Variants in BBOF1 observed in about 807,000 individuals in gnomAD.
BBOF1 encodes basal body-orientation factor 1.
Under a neutral mutation model 68.0 loss-of-function variants are expected in BBOF1, and 62 were observed. The observed-to-expected ratio is 0.91, with a 90% CI of 0.74 to 1.13. BBOF1 has a LOEUF of 1.13. Among genes scored for constraint, BBOF1 ranks in the 50% most tolerant of loss-of-function variants. BBOF1 has a pLI of 0.00. For missense variants in BBOF1, 534 were observed against 600.1 expected (o/e 0.89, Z 1.15); for synonymous variants, 208 against 198.8 (o/e 1.05, Z -0.39).
chr14:74,071,948 C>T, intron 9 of BBOF1: 2 of 1,614,130 alleles, frequency 1.2e-6, no homozygotes, highest in Non-Finnish European at 1.7e-6. Context: ...TCCCTTGTTC[C>T]AATGTGATTA....
intron 8 of BBOF1, among the ~76,000 whole-genome samples, chr14:74,054,331 T>G (rs777269332): frequency 7.3e-5 from 11 of 150,142 alleles, no homozygotes; most frequent in Non-Finnish European, 1.5e-4. Flanking sequence ...TTTTTTCTTG[T>G]TCCCTTTGTC....
chr14:74,075,190 C>A (rs1210550975), intron 9 of BBOF1, among the ~76,000 whole-genome samples: 1 of 152,016 alleles, frequency 6.6e-6, no homozygotes, highest in Non-Finnish European at 1.5e-5. Context: ...AAACTATGAA[C>A]AAACAATAAA....
rs747134194 is a variant in BBOF1, at chr14:74,048,021, C to CA, written c.746dup (p.Asn249LysfsTer20). ...TCACCTGAAGGAAACTGACGCTCTACAAAAAAACTCCCAGAAGTTGCAAGA... is the reference window on the plus strand; with the variant it reads ...TCACCTGAAGGAAACTGACGCTCTACAAAAAAAACTCCCAGAAGTTGCAAGA... On this transcript the variant is annotated frameshift_variant, in exon 7 of 12. Coordinates refer to ENST00000394009, the MANE Select transcript of BBOF1 (RefSeq NM_025057.3). LOFTEE classifies it high-confidence loss of function. 48 of 1,612,898 alleles carry CA rather than the reference C, an allele frequency of 3.0e-5. No individual in the cohort carries two copies. The highest frequency in any genetic ancestry group is 3.7e-5 in the Non-Finnish European group (44 of 1,179,606).
At chr14:74,058,823 A>C (rs925311479) in intron 11 of BBOF1, 3 of 152,492 alleles carry the variant, frequency 2.0e-5, no homozygotes, top group African/African-American at 7.2e-5. Flanking sequence ...GGTGGCTCAC[A>C]CCTGTAATCC....
chr14:74,064,918 C>G lies in BBOF1; in HGVS notation c.*219C>G, dbSNP rs1195994492. The G allele has an allele frequency of 1.2e-6, 2 of 1,612,978 alleles. No homozygotes were observed. The highest frequency in any genetic ancestry group is 2.7e-5 in the African/African-American group (2 of 74,878). On this transcript the variant is annotated 3_prime_UTR_variant, in exon 12 of 12. Coordinates refer to ENST00000394009, the MANE Select transcript of BBOF1 (RefSeq NM_025057.3). ...GCACTGGAATGGGGACATTCACTCC[C>G]ACCTAAAACAGAACAAATCCGTGTC...
chr14:74,073,760 A>G (rs748503776), intron 9 of BBOF1, among the ~76,000 whole-genome samples: 3 of 151,818 alleles, frequency 2.0e-5, no homozygotes, highest in Non-Finnish European at 2.9e-5. Context: ...TCTACTAAAA[A>G]CACAAAAATC....
intron 3 of BBOF1, among the ~76,000 whole-genome samples, chr14:74,032,350 C>G (rs1335849621): frequency 6.6e-6 from 1 of 151,790 alleles, no homozygotes; most frequent in Admixed American, 6.6e-5. Context: ...TGGTCTTGAA[C>G]TCCTGACCTC....
chr14:74,047,866 A>T, intron 6 of BBOF1, 64 bp from the exon 7 acceptor site: 2 of 1,444,928 alleles, frequency 1.4e-6, no homozygotes, highest in South Asian at 2.8e-5. Flanking sequence ...TGAAGCAATC[A>T]TTTTTCTATT....
At chr14:74,026,080 G>T (rs1241470482) in intron 2 of BBOF1, among the ~76,000 whole-genome samples, 1 of 150,868 alleles carries the variant, frequency 6.6e-6, no homozygotes, top group Non-Finnish European at 1.5e-5. Flanking sequence ...GGCAGAGGTT[G>T]CAGTGAGCCA....
At position 74,065,402 on chromosome 14, in the gene BBOF1, G is replaced by A. The variant is rs376170156; in HGVS notation, c.*703G>A. ...ATCCAGAAAAGAAGTCAGCTTTTTG[G>A]ATTCTGAGTATTTTATGCTTATTTG... On this transcript the variant is annotated 3_prime_UTR_variant, in exon 12 of 12. Transcript: ENST00000394009. 9.5e-6 allele frequency: 15 copies of A among 1,587,108 alleles called. No individual in the cohort carries two copies. The African/African-American group carries it at 2.0e-4, about 21-fold the overall frequency.
downstream of BBOF1, chr14:74,066,785 G>C (rs990299954): frequency 5.0e-6 from 8 of 1,613,874 alleles, no homozygotes; most frequent in Admixed American, 5.0e-5. Flanking sequence ...CCATCAAGAA[G>C]GATGGAAGCT....
In BBOF1 at chr14:74,065,219, T is replaced by C; in HGVS notation, c.*520T>C. ...ACCAAGTGGGCATATTTCCGAGCAG[T>C]GGCTCCATTGGTGGTGAAGATGGCA... On this transcript the variant is annotated 3_prime_UTR_variant, in exon 12 of 12. Coordinates refer to ENST00000394009, the MANE Select transcript of BBOF1 (RefSeq NM_025057.3). 4 of 1,614,168 alleles carry C rather than the reference T, an allele frequency of 2.5e-6. No homozygotes were observed. The highest frequency in any genetic ancestry group is 1.1e-5 in the South Asian group (1 of 91,082).
intron 4 of BBOF1, among the ~76,000 whole-genome samples, chr14:74,037,659 A>C (rs1349506071): frequency 6.6e-6 from 1 of 151,024 alleles, no homozygotes; most frequent in Non-Finnish European, 1.5e-5. Context: ...CCTGTTTAAA[A>C]GTAATAATTT....
At chr14:74,044,750 AC>A (rs1247284426) in intron 5 of BBOF1, among the ~76,000 whole-genome samples, 1 of 152,000 alleles carries the variant, frequency 6.6e-6, no homozygotes, top group Non-Finnish European at 1.5e-5. Flanking sequence ...ACATGGTGAA[AC>A]CCCGTCTCTA....
In BBOF1 at chr14:74,034,086, A is replaced by G. The variant is rs1385133131; in HGVS notation, c.410A>G (p.Lys137Arg). The change falls in exon 4 of 12, where the codon AAA becomes AGA. Residue 137 changes from lysine to arginine, a missense_variant. Physicochemically the swap from Lys to Arg is conservative, Grantham distance 26 (BLOSUM62 2). Coordinates refer to ENST00000394009, the MANE Select transcript of BBOF1 (RefSeq NM_025057.3). The stretch of plus-strand genomic sequence containing the variant: ...GAGGGACAGTTCCATCAAAAAGCCA[A>G]AGAAATTGGCATGATTCACACAGAG... ...ELEGQFHQKA[K>R]EIGMIHTELK... 2.5e-6 allele frequency: 4 copies of G among 1,609,122 alleles called. No individual in the cohort carries two copies. Among genetic ancestry groups the G allele is most frequent in the Non-Finnish European group, 2.5e-6 (3 of 1,178,010 alleles).
intron 10 of BBOF1, chr14:74,080,970 T>C (rs1011457702): frequency 1.3e-5 from 2 of 152,316 alleles, no homozygotes; most frequent in African/African-American, 4.8e-5. Context: ...CTCCTGCAAT[T>C]TAACGTGTGT....
intron 2 of BBOF1, among the ~76,000 whole-genome samples, chr14:74,026,468 A>AG (rs1272079598): frequency 2.0e-5 from 3 of 150,280 alleles, no homozygotes; most frequent in Non-Finnish European, 4.4e-5. Flanking sequence ...AAAAAAAAAA[A>AG]GAGTCTGGAA....
chr14:74,069,004 C>A (rs367806086), downstream of BBOF1: 31 of 1,611,214 alleles, frequency 1.9e-5, no homozygotes, highest in East Asian at 1.6e-4. Context: ...AATAAATGAT[C>A]ACTCACAAAG....
chr14:74,020,284 C>T (rs2059241690), intron 1 of BBOF1, among the ~76,000 whole-genome samples: 1 of 151,892 alleles, frequency 6.6e-6, no homozygotes, highest in South Asian at 2.1e-4. Context: ...TTAGTCTAGC[C>T]CTTAAAGTGC....
Sources: gnomAD v4.1 joint callset for allele counts (sites outside exome capture counted in the v4.1 genomes callset) on GRCh38, gnomAD v4.1.1 for gene constraint, MANE v1.5 for transcripts, NCBI Gene and HGNC (gene_info 2026-07-23, HGNC 2026-07-21) for gene names.